Variants in CR2 observed in about 807,000 individuals in gnomAD.
CR2 encodes the protein complement receptor type 2.
In CR2, 96 loss-of-function variants were observed where a neutral mutation model predicts 123.0. The observed-to-expected ratio is 0.78, with a 90% CI of 0.66 to 0.93. The LOEUF is 0.93. Ranked by LOEUF, CR2 falls within the 40% of genes least tolerant of loss-of-function variation. The pLI, the probability that CR2 is intolerant of heterozygous loss-of-function variation, is 0.00. For synonymous variants in CR2, 484 were observed against 469.5 expected (o/e 1.03, Z -0.40); for missense variants, 1,258 against 1,361.0 (o/e 0.92, Z 1.19).
chr1:207,467,064 T>G, intron 2 of CR2, 152 bp downstream of exon 2: 1 of 925,930 alleles, frequency 1.1e-6, no homozygotes, highest in Non-Finnish European at 1.5e-6. Context: ...TTATGGCTTC[T>G]TCGTGGAGGC....
Position 207,473,631 on chromosome 1 carries a change from A to T in CR2, c.2065A>T (p.Thr689Ser). ...FFVSGMTVDY[T>S]CDPGYLLVGN... ...TGTCTCTGGGATGACTGTAGACTACACTTGTGACCCTGGCTATTTGCTTGT... is the reference window on the plus strand; with the variant it reads ...TGTCTCTGGGATGACTGTAGACTACTCTTGTGACCCTGGCTATTTGCTTGT... The change falls in exon 11 of 20, where the codon ACT (threonine) becomes TCT (serine). Residue 689 changes from threonine (T) to serine (S), a missense_variant. Coordinates refer to ENST00000367057, the MANE Select transcript of CR2 (RefSeq NM_001006658.3). The T allele has an allele frequency of 1.2e-6, 2 of 1,613,998 alleles. No homozygotes were observed. The highest frequency in any genetic ancestry group is 1.7e-6 in the Non-Finnish European group (2 of 1,179,916).
At chr1:207,473,941 A>T in intron 12 of CR2, 56 bp downstream of exon 12, 1 of 1,515,634 alleles carries the variant, frequency 6.6e-7, no homozygotes, top group Admixed American at 1.7e-5. Flanking sequence ...TTGTGGATTA[A>T]CTTGACCTTC....
chr1:207,476,406 C>G lies in CR2; in HGVS notation c.2889C>G (p.Ala963=), dbSNP rs1480099408. The G allele has an allele frequency of 1.9e-6, 3 of 1,613,452 alleles. No individual in the cohort carries two copies. The highest frequency in any genetic ancestry group is 2.7e-5 in the African/African-American group (2 of 74,984). The change falls in exon 15 of 20, where the codon GCC becomes GCG. Residue 963 remains alanine (A), a synonymous_variant. Coordinates refer to ENST00000367057, the MANE Select transcript of CR2 (RefSeq NM_001006658.3). ...ATGAGGGAACCTGGAGCCAACCTGC[C>G]CCTCATTGTAAAGGTGCTTTGTCTA... ...CTHEGTWSQP[A]PHCKEVNCSS...
chr1:207,484,163 G>C (rs1302460450), intron 18 of CR2, among the ~76,000 whole-genome samples: 1 of 152,170 alleles, frequency 6.6e-6, no homozygotes, highest in Non-Finnish European at 1.5e-5. Flanking sequence ...AGCACTGCAT[G>C]TGTATAAAAA....
Position 207,477,963 on chromosome 1 carries a change from C to G in CR2, c.2981C>G (p.Ala994Gly). 1 of 1,614,014 alleles carries G rather than the reference C, an allele frequency of 6.2e-7. No homozygotes were observed. Among genetic ancestry groups the G allele is most frequent in the Non-Finnish European group, 8.5e-7 (1 of 1,179,974 alleles). ...CCAAGGAAAATGTATCAGTATGGAG[C>G]TGTTGTAACTCTGGAGTGTGAAGAT... ...LEPRKMYQYG[A>G]VVTLECEDGY... is the part of the protein sequence containing the mutation. Residue 994 changes from alanine (A) to glycine (G), a missense_variant, in exon 16 of 20, where the codon GCT becomes GGT. Coordinates refer to ENST00000367057, the MANE Select transcript of CR2 (RefSeq NM_001006658.3).
rs774951053 is a variant in CR2 at position 207,477,942 on chromosome 1, G to A, written c.2960G>A (p.Arg987Lys). The change falls in exon 16 of 20, where the codon AGG (arginine) becomes AAG (lysine). Residue 987 changes from arginine to lysine, a missense_variant. Coordinates refer to ENST00000367057, the MANE Select transcript of CR2 (RefSeq NM_001006658.3). ...MDGIQKGLEP[R>K]KMYQYGAVVT... ...GGAATCCAGAAAGGGCTGGAACCAA[G>A]GAAAATGTATCAGTATGGAGCTGTT... The A allele has an allele frequency of 1.1e-5, 17 of 1,613,956 alleles. No individual in the cohort carries two copies. In the South Asian group the frequency reaches 1.6e-4, roughly 16 times the overall value.
Position 207,466,571 on chromosome 1 carries a change from G to A in CR2, c.104G>A (p.Ser35Asn). 6.2e-7 allele frequency: 1 copy of A among 1,614,044 alleles called. No individual in the cohort carries two copies. Among genetic ancestry groups the A allele is most frequent in the South Asian group, 1.1e-5 (1 of 91,088 alleles). The change falls in exon 2 of 20, where the codon AGT (serine) becomes AAT (asparagine). Residue 35 changes from serine to asparagine, a missense_variant. Transcript: ENST00000367057. ...CCGCCTATCCTAAATGGCCGGATTA[G>A]TTATTATTCTACCCCCATTGCTGTT... ...SPPPILNGRISYYSTPIAVGT... is the reference protein window; with the variant it reads ...SPPPILNGRINYYSTPIAVGT...
At chr1:207,466,005 T>C (rs968443256) in intron 1 of CR2, among the ~76,000 whole-genome samples, 1 of 152,254 alleles carries the variant, frequency 6.6e-6, no homozygotes, top group Non-Finnish European at 1.5e-5. Context: ...TTGTACTTTC[T>C]CTGTTCATGT....
chr1:207,477,834 G>A (rs758349356), intron 15 of CR2, 51 bp from the exon 16 acceptor site: 37 of 1,569,078 alleles, frequency 2.4e-5, no homozygotes, highest in Non-Finnish European at 3.2e-5. Context: ...CTGCTTTCTT[G>A]GTAAAAGGCC....
chr1:207,475,123 T>G lies in CR2; in HGVS notation c.2623T>G (p.Cys875Gly). ...CCACAATGACATAGTGTATGTTGACTGCAATCCTGGCTTCATCATGAATGG... is the reference window on the plus strand; with the variant it reads ...CCACAATGACATAGTGTATGTTGACGGCAATCCTGGCTTCATCATGAATGG... ...YSHNDIVYVD[C>G]NPGFIMNGSR... The change falls in exon 14 of 20, where the codon TGC (cysteine) becomes GGC (glycine). Residue 875 changes from cysteine to glycine, a missense_variant. Cys to Gly is a radical substitution (Grantham distance 159, BLOSUM62 -3). Coordinates refer to ENST00000367057, the MANE Select transcript of CR2 (RefSeq NM_001006658.3). 3 of 1,612,784 alleles carry G rather than the reference T, an allele frequency of 1.9e-6. No homozygotes were observed. The highest frequency in any genetic ancestry group is 2.5e-6 in the Non-Finnish European group (3 of 1,179,346).
At chr1:207,470,412 C>T (rs1255025748) in intron 6 of CR2, among the ~76,000 whole-genome samples, 1 of 152,080 alleles carries the variant, frequency 6.6e-6, no homozygotes, top group Non-Finnish European at 1.5e-5. Flanking sequence ...TTCAAGCCCT[C>T]ATTCCTAGGG....
At chr1:207,467,040 G>A (rs963568771) in intron 2 of CR2, 128 bp downstream of exon 2, 3 of 1,182,996 alleles carry the variant, frequency 2.5e-6, no homozygotes, top group African/African-American at 3.1e-5. Context: ...AGGAAACAAG[G>A]GAAAAGGTGA....
intron 14 of CR2, 54 bp from the exon 15 acceptor site, chr1:207,476,180 A>G: frequency 6.5e-7 from 1 of 1,539,098 alleles, no homozygotes; most frequent in Non-Finnish European, 9.0e-7. Context: ...GAGATAGTGC[A>G]GGCTATGTGT....
In CR2 at chr1:207,469,898, C is replaced by A. The variant is rs529311780; in HGVS notation, c.1021C>A (p.Arg341Ser). Reference sequence around the variant, plus strand: ...TGGGACCTGGAGTGGCCCTGCCCCACGCTGTGAACTTTCTACTTCTGCGGT... The same window carrying A: ...TGGGACCTGGAGTGGCCCTGCCCCAAGCTGTGAACTTTCTACTTCTGCGGT... The part of the protein sequence containing the change: ...KTGTWSGPAP[R>S]CELSTSAVQC... Residue 341 changes from arginine to serine, a missense_variant, in exon 6 of 20, where the codon CGC becomes AGC. Arg to Ser is a moderately radical substitution (Grantham distance 110). Coordinates refer to ENST00000367057, the MANE Select transcript of CR2 (RefSeq NM_001006658.3). 8.7e-6 allele frequency: 14 copies of A among 1,613,984 alleles called. No individual in the cohort carries two copies. The South Asian group carries it at 1.5e-4, about 18-fold the overall frequency.
At chr1:207,455,443 A>T (rs116762805) in intron 1 of CR2, among the ~76,000 whole-genome samples, 2,019 of 150,718 alleles carry the variant, frequency 0.013, 40 homozygotes, top group African/African-American at 0.046. Flanking sequence ...GTTAGTCGTT[A>T]CTACTAAATA....
At chr1:207,484,325 A>C (rs1658692345) in intron 18 of CR2, among the ~76,000 whole-genome samples, 1 of 152,236 alleles carries the variant, frequency 6.6e-6, no homozygotes, top group Non-Finnish European at 1.5e-5. Context: ...CCTAGTTGCC[A>C]TTCATTTATT....
intron 18 of CR2, among the ~76,000 whole-genome samples, chr1:207,481,029 C>G (rs1658589856): frequency 6.6e-6 from 1 of 151,980 alleles, no homozygotes; most frequent in African/African-American, 2.4e-5. Context: ...TCCATTTGAT[C>G]AAGTAATCTT....
intron 18 of CR2, among the ~76,000 whole-genome samples, chr1:207,484,395 C>G (rs1371030809): frequency 6.6e-6 from 1 of 152,076 alleles, no homozygotes; most frequent in African/African-American, 2.4e-5. Context: ...CTTGAATGGC[C>G]TGAAATGCTT....
chr1:207,479,312 C>T lies in CR2; in HGVS notation c.3112+32C>T, dbSNP rs955730937. 5 of 1,530,886 alleles carry T rather than the reference C, an allele frequency of 3.3e-6. No individual in the cohort carries two copies. In the African/African-American group the frequency reaches 4.1e-5, roughly 13 times the overall value. 94.8% of individuals were successfully genotyped at this position (1,530,886 alleles called of 1,614,324 possible). A position where few individuals can be genotyped will look rare whatever the true frequency, so the allele number is the denominator to read the frequency against. ...CTTCTTAAATACTTGAAGAAAAGCT[C>T]TTATAATATTTTTTAAAAATATGTA... On this transcript the variant is annotated intron_variant, in intron 17 of 19. Transcript: ENST00000367057.
Sources: gnomAD v4.1 joint callset for allele counts (sites outside exome capture counted in the v4.1 genomes callset) on GRCh38, gnomAD v4.1.1 for gene constraint, MANE v1.5 for transcripts, NCBI Gene and HGNC (gene_info 2026-07-23, HGNC 2026-07-21) for gene names.